The following NDUFC1 variants were observed in gnomAD, a reference collection of about 807,000 sequenced individuals.
NDUFC1 encodes NADH dehydrogenase [ubiquinone] 1 subunit C1, mitochondrial.
A neutral mutation model predicts 11.6 loss-of-function variants in NDUFC1; 11 were observed. The observed-to-expected ratio is 0.95, with a 90% confidence interval of 0.60 to 1.58. The LOEUF is 1.58. Ranked by LOEUF, NDUFC1 falls within the 40% of genes most tolerant of loss-of-function variation. The pLI is 0.00. For missense variants in NDUFC1, 112 were observed against 93.0 expected, an observed-to-expected ratio of 1.20 and a Z score of -0.84; for synonymous variants, 52 against 42.2, an observed-to-expected ratio of 1.23 and a Z score of -0.90.
At chr4:139,297,914 TA>T (rs1390903878) in intron 1 of NDUFC1, among the ~76,000 whole-genome samples, 1 of 152,036 alleles carries the variant, frequency 6.6e-6, no homozygotes, top group Non-Finnish European at 1.5e-5. Context: ...AATGATTTTT[TA>T]AAAAATTAGC....
intron 4 of NDUFC1, 39 bp from the exon 5 acceptor site, chr4:139,292,648 T>G (rs199893544): frequency 8.0e-7 from 1 of 1,253,666 alleles, no homozygotes; most frequent in Admixed American, 2.0e-5. Flanking sequence ...AAATGTAATC[T>G]TCCTGGATAC....
At chr4:139,292,492 T>G in intron 5 of NDUFC1, 38 bp downstream of exon 5, 1 of 1,017,664 alleles carries the variant, frequency 9.8e-7, no homozygotes, top group South Asian at 1.7e-5. Context: ...TCAAGTTAAT[T>G]TGCATAATCT....
intron 5 of NDUFC1, among the ~76,000 whole-genome samples, chr4:139,291,846 T>C (rs1745232625): frequency 6.6e-6 from 1 of 151,992 alleles, no homozygotes; most frequent in Non-Finnish European, 1.5e-5. Flanking sequence ...TCATTCTTTT[T>C]TTTTTTTTGA....
rs765604592 is a variant in NDUFC1 at position 139,295,831 on chromosome 4, G to T, written c.-33C>A. 3.2e-6 allele frequency: 5 copies of T among 1,540,132 alleles called. No individual in the cohort carries two copies. In the Admixed American group the frequency reaches 8.2e-5, roughly 25 times the overall value. ...GGCCCAGCTCAGTCTCTCCGAGTTG[G>T]CAACAGAACCAGCGCCACCTGGCGG... On this transcript the variant is annotated 5_prime_UTR_variant, in exon 3 of 6. Coordinates refer to ENST00000394223, the MANE Select transcript of NDUFC1 (RefSeq NM_001184989.2).
At chr4:139,291,960 G>A (rs1038657641) in intron 5 of NDUFC1, among the ~76,000 whole-genome samples, 1 of 150,716 alleles carries the variant, frequency 6.6e-6, no homozygotes, top group African/African-American at 2.4e-5. Flanking sequence ...CCTCAGCCTC[G>A]CGAGTAGCTG....
intron 5 of NDUFC1, among the ~76,000 whole-genome samples, chr4:139,292,083 C>T (rs1032510918): frequency 1.3e-5 from 2 of 152,126 alleles, no homozygotes; most frequent in African/African-American, 2.4e-5. Flanking sequence ...GTGATCCACC[C>T]GCCTCGGCCT....
At chr4:139,292,340 T>TCCCCCC (rs933211360) in intron 5 of NDUFC1, among the ~76,000 whole-genome samples, 190 bp downstream of exon 5, 1 of 148,946 alleles carries the variant, frequency 6.7e-6, no homozygotes, top group African/African-American at 2.5e-5. Context: ...AAAAACCCCA[T>TCCCCCC]CCCCCCCAAA....
At chr4:139,301,842 G>A in intron 1 of NDUFC1, 1 of 1,586,372 alleles carries the variant, frequency 6.3e-7, no homozygotes, top group Non-Finnish European at 8.6e-7. Context: ...GTAAGTGTGA[G>A]GCTCCGGGCA....
In NDUFC1 at chr4:139,294,811, C is replaced by G. The variant is rs555438050; in HGVS notation, c.171+232G>C. On this transcript the variant is annotated intron_variant, in intron 4 of 5. Coordinates refer to ENST00000394223, the MANE Select transcript of NDUFC1 (RefSeq NM_001184989.2). ...ACAAAACCATGTTAAGGAACAATAA[C>G]AGAAATTTTAGTCCCATCATACTTT... Among the ~76,000 whole-genome samples, 19 of 151,134 alleles carry G rather than the reference C, an allele frequency of 1.3e-4. No homozygotes were observed. In the South Asian group the frequency reaches 3.5e-3, roughly 28 times the overall value.
intron 5 of NDUFC1, among the ~76,000 whole-genome samples, chr4:139,292,026 A>T (rs1443173732): frequency 6.6e-6 from 1 of 152,008 alleles, no homozygotes; most frequent in African/African-American, 2.4e-5. Context: ...TTTGGTAGAG[A>T]CGGTGTTTCA....
intron 3 of NDUFC1, among the ~76,000 whole-genome samples, 173 bp downstream of exon 3, chr4:139,295,559 G>T (rs1025306764): frequency 5.9e-5 from 9 of 152,358 alleles, no homozygotes; most frequent in Non-Finnish European, 1.3e-4. Flanking sequence ...GGGTGATGGG[G>T]AGCAGAGAGC....
chr4:139,301,403 C>T (rs1342008366), intron 1 of NDUFC1: 2 of 425,880 alleles, frequency 4.7e-6, no homozygotes, highest in African/African-American at 2.0e-5. Context: ...CCAGGTTTCC[C>T]GGCAAGCTCC....
intron 5 of NDUFC1, among the ~76,000 whole-genome samples, chr4:139,290,919 G>A (rs1040048695): frequency 1.3e-5 from 2 of 151,466 alleles, no homozygotes; most frequent in Non-Finnish European, 2.9e-5. Flanking sequence ...AGCAATTATC[G>A]TGCCTCAGCC....
chr4:139,301,812 C>T (rs1745765719), intron 1 of NDUFC1: 1 of 1,592,488 alleles, frequency 6.3e-7, no homozygotes, highest in Non-Finnish European at 8.6e-7. Context: ...AAGGAGAATG[C>T]GCTCTTCAAG....
chr4:139,292,927 TCTCCTGCCTCAAC>T (rs1745295187), intron 4 of NDUFC1, among the ~76,000 whole-genome samples: 3 of 151,952 alleles, frequency 2.0e-5, no homozygotes. Flanking sequence ...TTCAAGCGAT[TCTCCTGCCTCAAC>T]CTCCTGAATA....
rs1482852935 is a variant in NDUFC1 at position 139,295,840 on chromosome 4, C to G, written c.-42G>C. 2 of 1,534,464 alleles carry G rather than the reference C, an allele frequency of 1.3e-6. No homozygotes were observed. Among genetic ancestry groups the G allele is most frequent in the South Asian group, 2.4e-5 (2 of 82,720 alleles). ...CAGTCTCTCCGAGTTGGCAACAGAA[C>G]CAGCGCCACCTGGCGGCCGGAAGTG... is the stretch of plus-strand genomic sequence containing the variant. On this transcript the variant is annotated 5_prime_UTR_variant, in exon 3 of 6. Coordinates refer to ENST00000394223, the MANE Select transcript of NDUFC1 (RefSeq NM_001184989.2).
chr4:139,291,921 C>A (rs966515367), intron 5 of NDUFC1, among the ~76,000 whole-genome samples: 2 of 151,740 alleles, frequency 1.3e-5, no homozygotes, highest in African/African-American at 2.4e-5. Flanking sequence ...ACTGCAAACT[C>A]TGCCTCCCGG....
At position 139,292,530 on chromosome 4, in the gene NDUFC1, T is replaced by C; in HGVS notation, c.*20A>G. On this transcript the variant is annotated splice_region_variant and 3_prime_UTR_variant, in exon 5 of 6. Transcript: ENST00000394223. Reference sequence around the variant, plus strand: ...TCATCCAATAAGCTTGTATACTTACTACATTAGTGTTTCAAAAGTTTATTC... The same window carrying C: ...TCATCCAATAAGCTTGTATACTTACCACATTAGTGTTTCAAAAGTTTATTC... 1 of 1,409,538 alleles carries C rather than the reference T, an allele frequency of 7.1e-7. No homozygotes were observed. Among genetic ancestry groups the C allele is most frequent in the East Asian group, 2.3e-5 (1 of 42,892 alleles). 87.3% of individuals were successfully genotyped at this position (1,409,538 alleles called of 1,614,324 possible). A position where few individuals can be genotyped will look rare whatever the true frequency, so the allele number is the denominator to read the frequency against.
intron 1 of NDUFC1, chr4:139,301,698 A>C: frequency 6.7e-7 from 1 of 1,491,024 alleles, no homozygotes; most frequent in Non-Finnish European, 9.1e-7. Context: ...TGAAGCAGCT[A>C]CGGAACGGCA....
Sources: allele counts gnomAD v4.1 joint callset (sites outside exome capture counted in the v4.1 genomes callset), GRCh38; gene constraint gnomAD v4.1.1; transcripts MANE v1.5; gene names NCBI Gene and HGNC (gene_info 2026-07-23, HGNC 2026-07-21).